The following ERAP1 variants were observed in gnomAD, a reference collection of about 807,000 sequenced individuals.
The protein encoded by ERAP1 is adipocyte-derived leucine aminopeptidase.
A neutral mutation model predicts 103.7 loss-of-function variants in ERAP1; 86 were observed. The ratio of observed to expected loss-of-function variants is 0.83; its 90% CI spans 0.70 to 0.99. ERAP1 has a LOEUF of 0.99. ERAP1 is among the 50% of genes least tolerant of loss of function. The pLI is 0.00. For synonymous variants in ERAP1, 398 were observed against 402.4 expected (o/e 0.99, Z 0.13); for missense variants, 1,009 against 1,128.4 (o/e 0.89, Z 1.52).
In ERAP1 at chr5:96,783,244, G is replaced by C; in HGVS notation, c.2101-9C>G. 6.2e-7 allele frequency: 1 copy of C among 1,605,982 alleles called. No individual in the cohort carries two copies. On this transcript the variant is annotated splice_polypyrimidine_tract_variant and intron_variant, in intron 14 of 18. Transcript: ENST00000443439. ...AGCCTGATGAGGAAGGCCTGAGGGC[G>C]TTGTACAGGGAAACAGGGACCAGTA...
chr5:96,847,934 AGAGTT>A, the ERAP1 span, among the ~76,000 whole-genome samples: 1 of 152,180 alleles, frequency 6.6e-6, no homozygotes, highest in South Asian at 2.1e-4. Flanking sequence ...AATTAAATCC[AGAGTT>A]AGTACAAGGA....
chr5:96,903,387 T>C, the ERAP1 span: 6 of 1,612,238 alleles, frequency 3.7e-6, no homozygotes, highest in South Asian at 6.6e-5. Flanking sequence ...ATACTCTGGA[T>C]CTACCTGAAA....
the ERAP1 span, among the ~76,000 whole-genome samples, chr5:96,860,051 T>TTTTA: frequency 3.4e-4 from 52 of 152,204 alleles, no homozygotes; most frequent in African/African-American, 6.0e-4. Context: ...AATCTGTTAA[T>TTTTA]TTTATTTATT....
the ERAP1 span, among the ~76,000 whole-genome samples, chr5:96,834,760 C>T: frequency 6.6e-6 from 1 of 152,172 alleles, no homozygotes; most frequent in Non-Finnish European, 1.5e-5. Context: ...GAAGGAATAA[C>T]ATTTCTATTT....
chr5:96,892,636 T>G, the ERAP1 span, among the ~76,000 whole-genome samples: 3 of 152,222 alleles, frequency 2.0e-5, no homozygotes. Context: ...GTGTGCATAC[T>G]GGAATTTTAT....
At chr5:96,780,200 G>A (rs1020410542) in intron 18 of ERAP1, among the ~76,000 whole-genome samples, 1 of 152,170 alleles carries the variant, frequency 6.6e-6, no homozygotes, top group African/African-American at 2.4e-5. Context: ...GGTTTTTACT[G>A]GCAGAGCTAA....
chr5:96,921,914 T>C, the ERAP1 span, among the ~76,000 whole-genome samples: 1 of 152,240 alleles, frequency 6.6e-6, no homozygotes, highest in East Asian at 1.9e-4. Context: ...AAACTTCATT[T>C]TGAGTTGGCC....
chr5:96,814,043 C>T, the ERAP1 span: 1 of 290,110 alleles, frequency 3.4e-6, no homozygotes, highest in Non-Finnish European at 6.9e-6. Context: ...TAAAACAACA[C>T]ATTTATTAAC....
intron 14 of ERAP1, among the ~76,000 whole-genome samples, chr5:96,783,451 T>C (rs1187924010): frequency 0.03 from 2 of 66 alleles, no homozygotes; most frequent in Admixed American, 0.5. Flanking sequence ...TTTTATAAGA[T>C]ATCCATCTAC....
the ERAP1 span, among the ~76,000 whole-genome samples, chr5:96,882,062 A>G: frequency 6.6e-6 from 1 of 152,090 alleles, no homozygotes; most frequent in Non-Finnish European, 1.5e-5. Context: ...GCCTGCAGCC[A>G]TCCACCTAGG....
At chr5:96,820,310 C>CAGAATTAGTGGCAAA in the ERAP1 span, among the ~76,000 whole-genome samples, 1 of 151,900 alleles carries the variant, frequency 6.6e-6, no homozygotes, top group Non-Finnish European at 1.5e-5. Flanking sequence ...AAGAAAATCT[C>CAGAATTAGTGGCAAA]ATTTTCAGAA....
chr5:96,864,145 T>C, the ERAP1 span, among the ~76,000 whole-genome samples: 2 of 152,202 alleles, frequency 1.3e-5, no homozygotes, highest in Non-Finnish European at 2.9e-5. Context: ...ATACTTATTA[T>C]GGCACTTTGC....
At chr5:96,933,984 G>C in the ERAP1 span, 13 of 152,340 alleles carry the variant, frequency 8.5e-5, no homozygotes, top group African/African-American at 3.1e-4. Context: ...ATATGATACA[G>C]ACACCTTCTC....
At chr5:96,788,794 T>C (rs1202561881) in intron 10 of ERAP1, 109 bp from the exon 11 acceptor site, 6 of 1,325,624 alleles carry the variant, frequency 4.5e-6, no homozygotes, top group Non-Finnish European at 6.3e-6. Context: ...CAACCTCCCC[T>C]CTTAGGAGCA....
chr5:96,932,770 G>C, the ERAP1 span, among the ~76,000 whole-genome samples: 1 of 152,088 alleles, frequency 6.6e-6, no homozygotes, highest in African/African-American at 2.4e-5. Context: ...TTAAACAAAT[G>C]CAATTTGTTT....
At chr5:96,869,600 T>C in the ERAP1 span, among the ~76,000 whole-genome samples, 1 of 152,190 alleles carries the variant, frequency 6.6e-6, no homozygotes. Context: ...TTTTGCTGTA[T>C]TCAAATATCA....
chr5:96,886,682 CT>C, the ERAP1 span: 1 of 1,549,310 alleles, frequency 6.5e-7, no homozygotes, highest in South Asian at 1.2e-5. Flanking sequence ...TGAAGGAGGT[CT>C]TTTGGAAGAT....
rs1015274259 is a variant in ERAP1 at position 96,765,119 on chromosome 5, A to G, written c.2819-1891T>C. The stretch of plus-strand genomic sequence containing the variant: ...CCAGCCCCAGATGTCTTTTTCTTCC[A>G]AGGAAACAGGTTCCCTCCTGAAAAG... On this transcript the variant is annotated intron_variant, in intron 19 of 19. Transcript: ENST00000296754. 8 of 716,488 alleles carry G rather than the reference A, an allele frequency of 1.1e-5. No individual in the cohort carries two copies. In the African/African-American group the frequency reaches 1.3e-4, roughly 11 times the overall value. The allele number at this position is 716,488 out of a possible 1,614,324, so 44.4% of individuals were successfully genotyped here.
the ERAP1 span, among the ~76,000 whole-genome samples, chr5:96,874,474 G>A: frequency 2.0e-5 from 3 of 152,118 alleles, no homozygotes; most frequent in Admixed American, 2.0e-4. Flanking sequence ...CTGCCCCCAC[G>A]CCCTGCAGAG....
Sources: allele counts gnomAD v4.1 joint callset (sites outside exome capture counted in the v4.1 genomes callset), GRCh38; gene constraint gnomAD v4.1.1; transcripts MANE v1.5; gene names NCBI Gene and HGNC (gene_info 2026-07-23, HGNC 2026-07-21).